NR1H4: variants seen among roughly 807,000 people sequenced by gnomAD.
The protein encoded by NR1H4 is nuclear receptor subfamily 1 group H member 4, also known as bile acid receptor.
In NR1H4, 23 loss-of-function variants were observed where a neutral mutation model predicts 58.5. That is an observed-to-expected ratio of 0.39 (90% CI 0.28 to 0.56). NR1H4 has a LOEUF of 0.56. NR1H4 is among the 20% of genes least tolerant of loss of function. The pLI is 0.58. For synonymous variants in NR1H4, 214 were observed against 198.0 expected, an observed-to-expected ratio of 1.08 and a Z score of -0.68; for missense variants, 487 against 576.9, an observed-to-expected ratio of 0.84 and a Z score of 1.60.
chr12:100,489,312 G>A (rs1953558822), intron 1 of NR1H4, among the ~76,000 whole-genome samples: 1 of 152,074 alleles, frequency 6.6e-6, no homozygotes, highest in African/African-American at 2.4e-5. Flanking sequence ...TTCAGGCAGG[G>A]ATTAACATAC....
At chr12:100,510,689 AG>A in intron 3 of NR1H4, 88 bp from the exon 4 acceptor site, 1 of 1,344,154 alleles carries the variant, frequency 7.4e-7, no homozygotes, top group Non-Finnish European at 1.1e-6. Flanking sequence ...CTTTTCTTAG[AG>A]CCCACACTCC....
chr12:100,548,298 C>T (rs954117274), intron 9 of NR1H4, among the ~76,000 whole-genome samples: 9 of 150,536 alleles, frequency 6.0e-5, no homozygotes, highest in South Asian at 2.1e-4. Flanking sequence ...ACCCGGAAGG[C>T]GGAGGTTTCA....
chr12:100,534,823 G>T, intron 5 of NR1H4, 67 bp from the exon 6 acceptor site: 2 of 1,591,732 alleles, frequency 1.3e-6, no homozygotes, highest in Non-Finnish European at 8.6e-7. Context: ...CATATCAGTG[G>T]TTTTATGACC....
chr12:100,536,493 T>C lies in NR1H4; in HGVS notation c.733-19T>C, dbSNP rs1451462653. Reference sequence around the variant, plus strand: ...TATACACATCTTCCCTAACACCTTTTATTTTCTTGCCAGTGTAGGAGAAAA... The same window carrying C: ...TATACACATCTTCCCTAACACCTTTCATTTTCTTGCCAGTGTAGGAGAAAA... On this transcript the variant is annotated intron_variant, in intron 6 of 10. Transcript: ENST00000392986. The C allele has an allele frequency of 2.7e-6, 4 of 1,465,442 alleles. No homozygotes were observed. The East Asian group carries it at 9.1e-5, about 33-fold the overall frequency. 90.8% of individuals were successfully genotyped at this position (1,465,442 alleles called of 1,614,324 possible).
chr12:100,481,087 A>G (rs918704215), intron 1 of NR1H4, among the ~76,000 whole-genome samples: 3 of 152,192 alleles, frequency 2.0e-5, no homozygotes, highest in African/African-American at 4.8e-5. Context: ...CTGTTGGTCA[A>G]CGAATTTATT....
intron 9 of NR1H4, 75 bp downstream of exon 9, chr12:100,540,893 T>G: frequency 1.4e-6 from 2 of 1,425,592 alleles, no homozygotes; most frequent in Non-Finnish European, 2.0e-6. Context: ...GGTGGGGCTC[T>G]TGCCAATCTT....
At chr12:100,536,472 C>T (rs997784821) in intron 6 of NR1H4, 40 bp from the exon 7 acceptor site, 15 of 1,176,970 alleles carry the variant, frequency 1.3e-5, no homozygotes, top group Admixed American at 3.4e-5. Context: ...AGGCTTTATA[C>T]ACATCTTCCC....
chr12:100,490,126 C>T (rs772643593), intron 1 of NR1H4, among the ~76,000 whole-genome samples: 1 of 152,066 alleles, frequency 6.6e-6, no homozygotes, highest in Non-Finnish European at 1.5e-5. Flanking sequence ...CAGAACTAAG[C>T]AAGAAAAACA....
chr12:100,522,658 C>T (rs537492000), intron 4 of NR1H4, among the ~76,000 whole-genome samples: 1 of 152,064 alleles, frequency 6.6e-6, no homozygotes, highest in South Asian at 2.1e-4. Context: ...TACCTGTCAC[C>T]AGAGTGTATA....
chr12:100,493,647 G>C (rs571763171), intron 3 of NR1H4, among the ~76,000 whole-genome samples: 1 of 152,194 alleles, frequency 6.6e-6, no homozygotes, highest in Non-Finnish European at 1.5e-5. Flanking sequence ...TCAAGGCCGC[G>C]AGGCTAGATA....
chr12:100,503,389 T>C (rs763337383), intron 3 of NR1H4: 3 of 1,596,764 alleles, frequency 1.9e-6, no homozygotes, highest in Non-Finnish European at 1.7e-6. Flanking sequence ...AAGCTAAGAA[T>C]GGTAATGCAG....
intron 1 of NR1H4, among the ~76,000 whole-genome samples, chr12:100,487,003 G>T (rs1953505500): frequency 6.6e-6 from 1 of 152,132 alleles, no homozygotes. Flanking sequence ...ATAAAAAAAG[G>T]AACACTTCAG....
chr12:100,499,541 A>C (rs1334272761), intron 3 of NR1H4, among the ~76,000 whole-genome samples: 4 of 152,190 alleles, frequency 2.6e-5, no homozygotes, highest in Non-Finnish European at 5.9e-5. Flanking sequence ...GCCTCTTCTT[A>C]TTACAAAATA....
intron 4 of NR1H4, among the ~76,000 whole-genome samples, chr12:100,517,047 A>G (rs569052617): frequency 6.6e-6 from 1 of 151,456 alleles, no homozygotes; most frequent in Admixed American, 6.6e-5. Context: ...ATATTAAAAA[A>G]CCTCTCTTCT....
chr12:100,556,938 G>C (rs1457438090), intron 9 of NR1H4, among the ~76,000 whole-genome samples: 2 of 152,190 alleles, frequency 1.3e-5, no homozygotes, highest in African/African-American at 4.8e-5. Context: ...ACTACCATTT[G>C]CATCACTGTA....
chr12:100,540,776 T>G lies in NR1H4; in HGVS notation c.1036T>G (p.Ser346Ala), dbSNP rs1954916523. 2 of 1,614,156 alleles carry G rather than the reference T, an allele frequency of 1.2e-6. No individual in the cohort carries two copies. The highest frequency in any genetic ancestry group is 1.7e-6 in the Non-Finnish European group (2 of 1,180,004). ...TGAGATTTTCAATAAGAAACTTCCG[T>G]CTGGGCATTCTGACCTATTGGAAGA... The part of the protein sequence containing the change: ...SAEIFNKKLP[S>A]GHSDLLEERI... The change falls in exon 9 of 11, where the codon TCT becomes GCT. Residue 346 changes from serine to alanine, a missense_variant. Physicochemically the swap from Ser to Ala is moderately conservative, Grantham distance 99. Transcript: ENST00000392986.
chr12:100,542,313 C>T (rs1954956754), intron 9 of NR1H4, among the ~76,000 whole-genome samples: 1 of 152,104 alleles, frequency 6.6e-6, no homozygotes, highest in Admixed American at 6.6e-5. Flanking sequence ...TGCCACCACA[C>T]TCCAGCCTGG....
At chr12:100,515,130 G>A (rs1163609493) in intron 4 of NR1H4, among the ~76,000 whole-genome samples, 1 of 150,526 alleles carries the variant, frequency 6.6e-6, no homozygotes, top group Non-Finnish European at 1.5e-5. Context: ...GTACATCTCA[G>A]GCATATGAAG....
chr12:100,535,936 A>G (rs1046223671), intron 6 of NR1H4, among the ~76,000 whole-genome samples: 1 of 152,182 alleles, frequency 6.6e-6, no homozygotes, highest in Non-Finnish European at 1.5e-5. Flanking sequence ...CATGGTATCT[A>G]CAACAGCTAC....
Sources: gnomAD v4.1 joint callset for allele counts (sites outside exome capture counted in the v4.1 genomes callset) on GRCh38, gnomAD v4.1.1 for gene constraint, MANE v1.5 for transcripts, NCBI Gene and HGNC (gene_info 2026-07-23, HGNC 2026-07-21) for gene names.